STK38L: variants seen among roughly 807,000 people sequenced by gnomAD.
STK38L encodes the protein serine/threonine-protein kinase 38-like.
In STK38L, 28 loss-of-function variants were observed where a neutral mutation model predicts 59.7. The observed-to-expected ratio is 0.47, with a 90% CI of 0.35 to 0.64. The LOEUF (loss-of-function observed/expected upper bound fraction) is 0.64. Among genes scored for constraint, STK38L ranks in the 30% least tolerant of loss-of-function variants. The probability of loss-of-function intolerance (pLI) is 0.01; values close to 1 mark genes in which losing one functional copy is unlikely to be tolerated. For synonymous variants in STK38L, 162 were observed against 176.8 expected, an observed-to-expected ratio of 0.92 and a Z score of 0.66; for missense variants, 314 against 555.8, an observed-to-expected ratio of 0.56 and a Z score of 4.37.
chr12:27,248,084 G>A (rs1359492931), intron 1 of STK38L, among the ~76,000 whole-genome samples: 2 of 152,160 alleles, frequency 1.3e-5, no homozygotes, highest in African/African-American at 4.8e-5. Flanking sequence ...CAAATGTTGG[G>A]ATTACAGGTG....
intron 11 of STK38L, among the ~76,000 whole-genome samples, chr12:27,318,657 T>C (rs577861963): frequency 6.6e-6 from 1 of 152,294 alleles, no homozygotes; most frequent in Non-Finnish European, 1.5e-5. Context: ...ACTGGCTCAA[T>C]AGTAGACTGT....
Position 27,308,905 on chromosome 12 carries a change from T to C in STK38L, c.310-209T>C, listed in dbSNP as rs1944387317. On this transcript the variant is annotated intron_variant, in intron 4 of 13. Transcript: ENST00000389032. This position sits in a 1 kb window ranked among gnomAD's most constrained non-coding sequence, Gnocchi z 4.5. ...ATATAAATGTAAATATATAAATATA[T>C]ATAAATATATATTAATATATATAAA... is the stretch of plus-strand genomic sequence containing the variant. Among the ~76,000 whole-genome samples the C allele has an allele frequency of 6.8e-6, 1 of 146,122 alleles. No homozygotes were observed. The highest frequency in any genetic ancestry group is 1.5e-5 in the Non-Finnish European group (1 of 66,564).
intron 5 of STK38L, among the ~76,000 whole-genome samples, chr12:27,311,973 G>T (rs538831790): frequency 6.6e-6 from 1 of 151,862 alleles, no homozygotes; most frequent in Admixed American, 6.6e-5. Context: ...TCCGCCTCCC[G>T]GGTTCAAGCG....
chr12:27,276,373 G>A (rs754275032), intron 1 of STK38L, among the ~76,000 whole-genome samples: 3 of 151,964 alleles, frequency 2.0e-5, no homozygotes, highest in Non-Finnish European at 4.4e-5. Context: ...ACAAAATAAC[G>A]AAGCCCATTG....
In STK38L at chr12:27,308,901, T is replaced by A. The variant is rs980951167; in HGVS notation, c.310-213T>A. Among the ~76,000 whole-genome samples, 2 of 145,818 alleles carry A rather than the reference T, an allele frequency of 1.4e-5. No homozygotes were observed. Among genetic ancestry groups the A allele is most frequent in the South Asian group, 2.1e-4 (1 of 4,746 alleles). On this transcript the variant is annotated intron_variant, in intron 4 of 13. Transcript: ENST00000389032. The surrounding 1 kb of genome is among the most constrained non-coding windows in gnomAD (Gnocchi z 4.5). Reference sequence around the variant, plus strand: ...ATATATATAAATGTAAATATATAAATATATATAAATATATATTAATATATA... The same window carrying A: ...ATATATATAAATGTAAATATATAAAAATATATAAATATATATTAATATATA...
chr12:27,313,248 C>CAA (rs748176392), intron 6 of STK38L, among the ~76,000 whole-genome samples: 2,487 of 105,782 alleles, frequency 0.024, 85 homozygotes, highest in African/African-American at 0.078. Context: ...GACTACGTCT[C>CAA]AAAAAAAAAA....
chr12:27,312,584 A>G lies in STK38L; in HGVS notation c.429A>G (p.Val143=). The change falls in exon 6 of 14, where the codon GTA becomes GTG. Residue 143 remains valine, a synonymous_variant. Coordinates refer to ENST00000389032, the MANE Select transcript of STK38L (RefSeq NM_015000.4). ...TCCGAGCAGAAAGAGATATTTTGGT[A>G]GAAGCAGATGGTGCCTGGGTGGTGA... ...AHIRAERDIL[V]EADGAWVVKM... 6.2e-7 allele frequency: 1 copy of G among 1,614,096 alleles called. No individual in the cohort carries two copies. Among genetic ancestry groups the G allele is most frequent in the South Asian group, 1.1e-5 (1 of 91,072 alleles).
intron 1 of STK38L, among the ~76,000 whole-genome samples, chr12:27,251,721 T>C (rs933641656): frequency 2.0e-5 from 3 of 152,376 alleles, no homozygotes; most frequent in Admixed American, 2.0e-4. Flanking sequence ...CATTATAGCA[T>C]GGCATTTTCT....
intron 1 of STK38L, among the ~76,000 whole-genome samples, chr12:27,288,156 G>A (rs1247246597): frequency 6.6e-5 from 10 of 152,116 alleles, no homozygotes; most frequent in Non-Finnish European, 1.2e-4. Context: ...GGGTTACAGA[G>A]ACATGAGCCA....
intron 1 of STK38L, among the ~76,000 whole-genome samples, chr12:27,294,504 CAAA>C (rs63041360): frequency 3.6e-4 from 37 of 101,370 alleles, no homozygotes; most frequent in Non-Finnish European, 4.2e-4. Context: ...GAAATTCTGT[CAAA>C]AAAAAAAAAA....
chr12:27,309,560 G>A (rs1283496373), intron 5 of STK38L, among the ~76,000 whole-genome samples: 1 of 152,136 alleles, frequency 6.6e-6, no homozygotes, highest in Non-Finnish European at 1.5e-5. Flanking sequence ...GTTTTCACAT[G>A]GCCTTTCCTT....
intron 12 of STK38L, 99 bp from the exon 13 acceptor site, chr12:27,322,044 G>A: frequency 9.7e-7 from 1 of 1,026,766 alleles, no homozygotes; most frequent in African/African-American, 1.6e-5. Flanking sequence ...GGATTTTCTA[G>A]TATCTGTAGA....
chr12:27,288,212 C>T (rs1259926061), intron 1 of STK38L, among the ~76,000 whole-genome samples: 2 of 152,142 alleles, frequency 1.3e-5, no homozygotes, highest in African/African-American at 4.8e-5. Context: ...GAATGTTGTA[C>T]TCCATCTCCT....
chr12:27,291,382 C>T (rs919022783), intron 1 of STK38L, among the ~76,000 whole-genome samples: 2 of 152,156 alleles, frequency 1.3e-5, no homozygotes. Flanking sequence ...CCATCCCCTC[C>T]AAGATTCAGT....
chr12:27,320,614 A>G (rs1410960092), intron 12 of STK38L, among the ~76,000 whole-genome samples: 1 of 151,704 alleles, frequency 6.6e-6, no homozygotes, highest in Non-Finnish European at 1.5e-5. Context: ...TAATTTTTAA[A>G]AATCATTTAT....
rs764851388 is a variant in STK38L, at chr12:27,324,119, C to G, written c.*1664C>G. On this transcript the variant is annotated 3_prime_UTR_variant, in exon 14 of 14. Transcript: ENST00000389032. The stretch of plus-strand genomic sequence containing the variant: ...AGTGTTTCATAAGGCCATCCTGTTT[C>G]CCCCAACTCCCCCATTTTTGGTTTG... 1.3e-5 allele frequency: 2 copies of G among 152,008 alleles called. No individual in the cohort carries two copies. Among genetic ancestry groups the G allele is most frequent in the Non-Finnish European group, 2.9e-5 (2 of 67,916 alleles). The allele number at this position is 152,008 out of a possible 1,614,324, so 9.4% of individuals were successfully genotyped here. A position where few individuals can be genotyped will look rare whatever the true frequency, so the allele number is the denominator to read the frequency against.
intron 1 of STK38L, among the ~76,000 whole-genome samples, chr12:27,253,182 T>G (rs1943014594): frequency 6.6e-6 from 1 of 152,224 alleles, no homozygotes; most frequent in South Asian, 2.1e-4. Context: ...AATTATCTAC[T>G]TCTCTTTCTG....
At chr12:27,301,257 A>C (rs894917974) in intron 2 of STK38L, among the ~76,000 whole-genome samples, 1 of 152,072 alleles carries the variant, frequency 6.6e-6, no homozygotes, top group Non-Finnish European at 1.5e-5. Context: ...GTGGGTTTTT[A>C]AAAAATATTT....
At chr12:27,247,814 A>AT (rs11448972) in intron 1 of STK38L, among the ~76,000 whole-genome samples, 16,726 of 126,528 alleles carry the variant, frequency 0.13, 1,254 homozygotes, top group Admixed American at 0.23. Context: ...TTGTTCTGTA[A>AT]TTTTTTTTTT....
Sources: gnomAD v4.1 joint callset for allele counts (sites outside exome capture counted in the v4.1 genomes callset) on GRCh38, gnomAD v4.1.1 for gene constraint, Gnocchi (gnomAD v3.1) non-coding constraint, MANE v1.5 for transcripts, NCBI Gene and HGNC (gene_info 2026-07-23, HGNC 2026-07-21) for gene names.